CEP85L: variants seen among roughly 807,000 people sequenced by gnomAD.
The protein encoded by CEP85L is centrosomal protein of 85 kDa-like.
CEP85L carries 60 observed loss-of-function variants against 100.3 expected under a neutral mutation model. The observed-to-expected ratio is 0.60, with a 90% CI of 0.49 to 0.74. CEP85L has a LOEUF of 0.74. Ranked by LOEUF, CEP85L falls within the 30% of genes least tolerant of loss-of-function variation. The pLI is 0.00. For synonymous variants in CEP85L, 319 were observed against 322.7 expected, an observed-to-expected ratio of 0.99 and a Z score of 0.12; for missense variants, 973 against 936.2, an observed-to-expected ratio of 1.04 and a Z score of -0.51.
At chr6:118,470,032 A>G (rs1483549752) in intron 11 of CEP85L, among the ~76,000 whole-genome samples, 2 of 152,104 alleles carry the variant, frequency 1.3e-5, no homozygotes, top group Admixed American at 6.5e-5. Context: ...TACTTTTTGC[A>G]TATTGGTGGG....
At chr6:118,681,771 A>T (rs1397900633) in intron 1 of CEP85L, among the ~76,000 whole-genome samples, 1 of 140,848 alleles carries the variant, frequency 7.1e-6, no homozygotes, top group African/African-American at 2.7e-5. Context: ...TTTTTTTGAG[A>T]CAGAGTCTCG....
At chr6:118,677,595 T>A (rs1776522012) in intron 1 of CEP85L, among the ~76,000 whole-genome samples, 1 of 152,232 alleles carries the variant, frequency 6.6e-6, no homozygotes, top group Non-Finnish European at 1.5e-5. Context: ...TTTTCCACTG[T>A]CTACCAAGTA....
intron 1 of CEP85L, among the ~76,000 whole-genome samples, chr6:118,680,469 T>C (rs1029528121): frequency 1.2e-4 from 18 of 152,082 alleles, no homozygotes; most frequent in East Asian, 7.7e-4. Flanking sequence ...CATCAGATAT[T>C]AGGTGGGATT....
chr6:118,632,691 C>T, intron 1 of CEP85L, 80 bp from the exon 2 acceptor site: 3 of 1,165,240 alleles, frequency 2.6e-6, no homozygotes, highest in Non-Finnish European at 2.4e-6. Context: ...GGAAAATACA[C>T]ATAGGGTATA....
chr6:118,502,318 G>C (rs1582924905), intron 5 of CEP85L: 2 of 511,598 alleles, frequency 3.9e-6, no homozygotes, highest in African/African-American at 1.9e-5. Flanking sequence ...GATCTTCCAA[G>C]CAATTTCAGC....
intron 3 of CEP85L, among the ~76,000 whole-genome samples, chr6:118,554,315 TTAA>T (rs1778723539): frequency 6.6e-6 from 1 of 151,958 alleles, no homozygotes; most frequent in South Asian, 2.1e-4. Context: ...ATAAAAACAA[TTAA>T]TTAATTAAAA....
chr6:118,607,989 G>A lies in CEP85L; in HGVS notation c.232+24464C>T, dbSNP rs1436919622. ...TCTCGTGCAAGAAAGAAGTCAGGGC[G>A]AGTCCACAGTGCAAAATGAAAGCAA... On this transcript the variant is annotated intron_variant, in intron 2 of 12. Coordinates refer to ENST00000368491, the MANE Select transcript of CEP85L (RefSeq NM_001042475.3). Among the ~76,000 whole-genome samples the A allele has an allele frequency of 4.6e-5, 7 of 152,060 alleles. No individual in the cohort carries two copies. The East Asian group carries it at 7.7e-4, about 17-fold the overall frequency.
chr6:118,614,885 T>C (rs138550922), intron 2 of CEP85L, among the ~76,000 whole-genome samples: 5,813 of 137,836 alleles, frequency 0.042, 152 homozygotes, highest in Middle Eastern at 0.11. Flanking sequence ...GATAGATAGA[T>C]AGATAGATAG....
intron 5 of CEP85L, among the ~76,000 whole-genome samples, chr6:118,493,239 G>C (rs116746210): frequency 0.011 from 1,634 of 152,288 alleles, 23 homozygotes; most frequent in African/African-American, 0.038. Context: ...AGGTTAAAAA[G>C]TAGATACAGA....
intron 5 of CEP85L, among the ~76,000 whole-genome samples, chr6:118,498,301 C>G (rs1305346048): frequency 1.3e-5 from 2 of 151,846 alleles, no homozygotes; most frequent in Non-Finnish European, 2.9e-5. Context: ...CGAGACCAGC[C>G]TAGGCAACAT....
intron 1 of CEP85L, among the ~76,000 whole-genome samples, chr6:118,700,185 G>A (rs1278651413): frequency 2.6e-5 from 4 of 152,166 alleles, no homozygotes; most frequent in South Asian, 2.1e-4. Flanking sequence ...TGAGCCCCTG[G>A]TATAAAAAAG....
chr6:118,508,392 A>C (rs1224383602), intron 5 of CEP85L, among the ~76,000 whole-genome samples: 1 of 152,130 alleles, frequency 6.6e-6, no homozygotes, highest in African/African-American at 2.4e-5. Context: ...TTTCTTCTCC[A>C]ATTTAAGTAA....
intron 6 of CEP85L, among the ~76,000 whole-genome samples, chr6:118,491,224 CACACACACACACACAT>C (rs1462915048): frequency 1.4e-3 from 207 of 149,138 alleles, no homozygotes; most frequent in African/African-American, 4.8e-3. Context: ...CACACACACA[CACACACACACACACAT>C]ATGCATGCAT....
At chr6:118,666,115 G>A (rs1266021685) in intron 1 of CEP85L, among the ~76,000 whole-genome samples, 1 of 152,136 alleles carries the variant, frequency 6.6e-6, no homozygotes, top group Non-Finnish European at 1.5e-5. Context: ...CCCAAATAGA[G>A]CCCCAGATTC....
At chr6:118,686,428 A>G (rs569506520) in intron 1 of CEP85L, among the ~76,000 whole-genome samples, 1 of 152,208 alleles carries the variant, frequency 6.6e-6, no homozygotes, top group African/African-American at 2.4e-5. Flanking sequence ...CTCCATATAT[A>G]GATTTTCTTT....
rs549351521 is a variant in CEP85L, at chr6:118,642,903, C to T, written c.73+8294G>A. The stretch of plus-strand genomic sequence containing the variant: ...GACTCCGTCTCAAAAACAAAAAAAG[C>T]TGTGTTCAAAAAAGCATTTTGGCAA... On this transcript the variant is annotated intron_variant, in intron 1 of 12. Coordinates refer to ENST00000368491, the MANE Select transcript of CEP85L (RefSeq NM_001042475.3). Among the ~76,000 whole-genome samples, 5 of 152,220 alleles carry T rather than the reference C, an allele frequency of 3.3e-5. No individual in the cohort carries two copies. In the South Asian group the frequency reaches 6.2e-4, roughly 19 times the overall value.
intron 6 of CEP85L, among the ~76,000 whole-genome samples, chr6:118,490,444 G>A (rs780447520): frequency 3.9e-5 from 6 of 152,138 alleles, no homozygotes; most frequent in Non-Finnish European, 7.4e-5. Context: ...AGTCCTTTGC[G>A]CTATCAAGAA....
upstream of CEP85L, chr6:118,651,853 A>G (rs1775592895): frequency 1.0e-6 from 1 of 985,420 alleles, no homozygotes; most frequent in Non-Finnish European, 1.2e-6. Flanking sequence ...CTATTTTGCG[A>G]TACTCGCCCC....
intron 2 of CEP85L, among the ~76,000 whole-genome samples, chr6:118,580,499 G>A (rs1780511308): frequency 2.0e-5 from 3 of 152,176 alleles, no homozygotes; most frequent in Non-Finnish European, 1.5e-5. Context: ...TACACTTATC[G>A]TTGGCTGCTG....
Sources: allele counts gnomAD v4.1 joint callset (sites outside exome capture counted in the v4.1 genomes callset), GRCh38; gene constraint gnomAD v4.1.1; transcripts MANE v1.5; gene names NCBI Gene and HGNC (gene_info 2026-07-23, HGNC 2026-07-21).